The following SERGEF variants were observed in gnomAD, a reference collection of about 807,000 sequenced individuals.
SERGEF encodes secretion regulating guanine nucleotide exchange factor.
Under a neutral mutation model 50.0 loss-of-function variants are expected in SERGEF, and 51 were observed. The ratio of observed to expected loss-of-function variants is 1.02; its 90% confidence interval spans 0.81 to 1.29. The LOEUF (loss-of-function observed/expected upper bound fraction) is 1.29, where lower values mean the gene tolerates loss of function less well. Ranked by LOEUF, SERGEF falls within the 50% of genes most tolerant of loss-of-function variation. SERGEF has a pLI of 0.00. For synonymous variants in SERGEF, 205 were observed against 212.4 expected (o/e 0.97, Z 0.30); for missense variants, 521 against 557.0 (o/e 0.94, Z 0.65).
chr11:17,807,693 G>A (rs984670249), intron 10 of SERGEF, among the ~76,000 whole-genome samples: 19 of 152,190 alleles, frequency 1.2e-4, no homozygotes, highest in East Asian at 7.7e-4. Flanking sequence ...CTAATTCCAC[G>A]TCATTTACAG....
intron 9 of SERGEF, among the ~76,000 whole-genome samples, chr11:17,945,950 C>A (rs1852650839): frequency 6.6e-6 from 1 of 152,088 alleles, no homozygotes; most frequent in African/African-American, 2.4e-5. Context: ...TGCACTCCAG[C>A]CTGGGCAACA....
intron 9 of SERGEF, among the ~76,000 whole-genome samples, chr11:17,910,935 T>A (rs1851940867): frequency 6.6e-6 from 1 of 152,114 alleles, no homozygotes; most frequent in Non-Finnish European, 1.5e-5. Flanking sequence ...ACAGATCAAG[T>A]AGAACCTAAG....
At chr11:17,883,698 T>TA (rs1219149210) in intron 9 of SERGEF, among the ~76,000 whole-genome samples, 2 of 152,194 alleles carry the variant, frequency 1.3e-5, no homozygotes, top group African/African-American at 4.8e-5. Flanking sequence ...CCAGTTCCCT[T>TA]ACATCTGGCA....
chr11:17,810,148 T>C (rs1849841341), intron 10 of SERGEF, among the ~76,000 whole-genome samples: 1 of 152,200 alleles, frequency 6.6e-6, no homozygotes, highest in Non-Finnish European at 1.5e-5. Context: ...CTGCCTTATT[T>C]CTCTGTCCTT....
At chr11:17,961,352 A>G (rs1424082311) in intron 8 of SERGEF, among the ~76,000 whole-genome samples, 1 of 152,108 alleles carries the variant, frequency 6.6e-6, no homozygotes, top group Admixed American at 6.5e-5. Flanking sequence ...TTGTCCCTCT[A>G]CCTGAGCTGG....
intron 6 of SERGEF, among the ~76,000 whole-genome samples, chr11:17,994,668 T>C (rs2134002276): frequency 6.6e-6 from 1 of 152,170 alleles, no homozygotes; most frequent in Non-Finnish European, 1.5e-5. Context: ...ACATTATACA[T>C]GTTTCTAATG....
At chr11:17,982,666 G>A (rs1163072496) in intron 8 of SERGEF, among the ~76,000 whole-genome samples, 2 of 152,090 alleles carry the variant, frequency 1.3e-5, no homozygotes, top group Non-Finnish European at 2.9e-5. Flanking sequence ...ATCAGCATTA[G>A]GTATATTTAT....
rs1176492993 is a variant in SERGEF, at chr11:17,791,992, G to A, written c.1049-3579C>T. Reference sequence around the variant, plus strand: ...TTTTGTTTTCAGTCTTTTGATAAGTGTATGGTTCTACGCAGTAAAAACTTC... The same window carrying A: ...TTTTGTTTTCAGTCTTTTGATAAGTATATGGTTCTACGCAGTAAAAACTTC... On this transcript the variant is annotated intron_variant, in intron 10 of 10. Transcript: ENST00000265965. Among the ~76,000 whole-genome samples, 5 of 152,278 alleles carry A rather than the reference G, an allele frequency of 3.3e-5. No individual in the cohort carries two copies. The East Asian group carries it at 5.8e-4, about 18-fold the overall frequency.
chr11:17,958,764 G>A (rs1852929230), intron 9 of SERGEF, among the ~76,000 whole-genome samples: 1 of 152,130 alleles, frequency 6.6e-6, no homozygotes, highest in Non-Finnish European at 1.5e-5. Flanking sequence ...AAGCTGTTGT[G>A]CACACTTAAA....
At chr11:17,918,162 G>T (rs184958744) in intron 9 of SERGEF, among the ~76,000 whole-genome samples, 6 of 152,220 alleles carry the variant, frequency 3.9e-5, no homozygotes, top group African/African-American at 1.2e-4. Context: ...CCACTCCATG[G>T]TGCCTGTGGG....
At chr11:17,882,739 G>C (rs577403604) in intron 9 of SERGEF, among the ~76,000 whole-genome samples, 1 of 152,324 alleles carries the variant, frequency 6.6e-6, no homozygotes, top group East Asian at 1.9e-4. Context: ...ATAAGCAGCA[G>C]TGTGGCCAAT....
chr11:17,790,350 T>C (rs79041636), intron 10 of SERGEF, among the ~76,000 whole-genome samples: 185 of 152,122 alleles, frequency 1.2e-3, no homozygotes, highest in Non-Finnish European at 2.3e-3. Context: ...TTTTTTTTTT[T>C]CTGCAAGTTG....
At chr11:17,974,918 A>G (rs1853336623) in intron 8 of SERGEF, among the ~76,000 whole-genome samples, 1 of 152,216 alleles carries the variant, frequency 6.6e-6, no homozygotes, top group African/African-American at 2.4e-5. Flanking sequence ...GAATAGAGCC[A>G]CTGACTCTGG....
intron 10 of SERGEF, among the ~76,000 whole-genome samples, chr11:17,834,930 CTG>C (rs1231222194): frequency 1.3e-5 from 2 of 152,180 alleles, no homozygotes; most frequent in Admixed American, 6.5e-5. Flanking sequence ...AGAGCATAGC[CTG>C]TGTGTGTCTC....
At chr11:17,827,637 T>A (rs1850221239) in intron 10 of SERGEF, among the ~76,000 whole-genome samples, 2 of 152,054 alleles carry the variant, frequency 1.3e-5, no homozygotes, top group Admixed American at 1.3e-4. Context: ...TTCAGTTACC[T>A]CTCGCCGCAT....
rs540825238 is a variant in SERGEF at position 17,830,685 on chromosome 11, A to AGAGAGAGAGAGAGAGAGC, written c.1049-42273_1049-42272insGCTCTCTCTCTCTCTCTC. Among the ~76,000 whole-genome samples the AGAGAGAGAGAGAGAGAGC allele has an allele frequency of 2.0e-3, 234 of 118,946 alleles. 35 individuals carry two copies. The highest frequency in any genetic ancestry group is 4.8e-3 in the East Asian group (14 of 2,908). The allele number at this position is 118,946 out of a possible 152,430, so 78.0% of individuals were successfully genotyped here. On this transcript the variant is annotated intron_variant, in intron 10 of 10. Transcript: ENST00000265965. Reference sequence around the variant, plus strand: ...GAGAGAGAGAGAGAGAGAGAGAGAGAGAGCACATGTACATGCAAGAGTAAG... The same window carrying AGAGAGAGAGAGAGAGAGC: ...GAGAGAGAGAGAGAGAGAGAGAGAGAGAGAGAGAGAGAGAGAGCGAGCACATGTACATGCAAGAGTAAG...
At chr11:17,796,467 C>T (rs1044746897) in intron 10 of SERGEF, among the ~76,000 whole-genome samples, 1 of 152,204 alleles carries the variant, frequency 6.6e-6, no homozygotes, top group Non-Finnish European at 1.5e-5. Context: ...TGAATGCTGT[C>T]ACTGTGGGAA....
intron 10 of SERGEF, among the ~76,000 whole-genome samples, chr11:17,807,025 C>T (rs1388014061): frequency 1.3e-5 from 2 of 152,086 alleles, no homozygotes; most frequent in South Asian, 2.1e-4. Context: ...GCTTTAACAA[C>T]CACTCAAATA....
chr11:17,909,320 C>A (rs1188409164), intron 9 of SERGEF, among the ~76,000 whole-genome samples: 2 of 152,192 alleles, frequency 1.3e-5, no homozygotes, highest in Non-Finnish European at 2.9e-5. Context: ...TATTATTTGG[C>A]CAGAAGCTGT....
Sources: gnomAD v4.1 joint callset for allele counts (sites outside exome capture counted in the v4.1 genomes callset) on GRCh38, gnomAD v4.1.1 for gene constraint, MANE v1.5 for transcripts, NCBI Gene and HGNC (gene_info 2026-07-23, HGNC 2026-07-21) for gene names.